GALNT13: variants seen among roughly 807,000 people sequenced by gnomAD.
The protein encoded by GALNT13 is UDP-GalNAc:polypeptide N-acetylgalactosaminyltransferase 13.
In GALNT13, 28 loss-of-function variants were observed where a neutral mutation model predicts 64.2. The ratio of observed to expected loss-of-function variants is 0.44; its 90% CI spans 0.32 to 0.60. The LOEUF (loss-of-function observed/expected upper bound fraction) is 0.60, where lower values mean the gene tolerates loss of function less well. Among genes scored for constraint, GALNT13 ranks in the 20% least tolerant of loss-of-function variants. GALNT13 has a pLI of 0.05. For synonymous variants in GALNT13, 214 were observed against 224.6 expected, an observed-to-expected ratio of 0.95 and a Z score of 0.42; for missense variants, 577 against 669.8, an observed-to-expected ratio of 0.86 and a Z score of 1.53.
At chr2:154,179,016 A>T (rs1685811309) in intron 4 of GALNT13, among the ~76,000 whole-genome samples, 1 of 152,178 alleles carries the variant, frequency 6.6e-6, no homozygotes, top group African/African-American at 2.4e-5. Context: ...TTTCTTACTG[A>T]TAAAACTCTT....
chr2:153,416,669 G>A, the GALNT13 span, among the ~76,000 whole-genome samples: 6 of 152,056 alleles, frequency 3.9e-5, no homozygotes, highest in Admixed American at 3.9e-4. Context: ...ATATCTATTG[G>A]TGTTTTTCTT....
At chr2:153,497,959 T>G in the GALNT13 span, among the ~76,000 whole-genome samples, 6 of 152,356 alleles carry the variant, frequency 3.9e-5, no homozygotes, top group Admixed American at 2.0e-4. Context: ...TGTAGGTTAA[T>G]GTATAGAATT....
At chr2:154,398,508 A>G (rs373614566) in intron 10 of GALNT13, among the ~76,000 whole-genome samples, 6 of 132,226 alleles carry the variant, frequency 4.5e-5, no homozygotes, top group African/African-American at 1.8e-4. Context: ...CAAATTAGCT[A>G]TCTTCTAAAT....
At chr2:153,807,572 T>C in the GALNT13 span, among the ~76,000 whole-genome samples, 5 of 152,182 alleles carry the variant, frequency 3.3e-5, no homozygotes, top group East Asian at 9.6e-4. Flanking sequence ...TATAGCTCAA[T>C]ATCTTTGAAG....
At chr2:153,923,364 A>G (rs1441890085) in intron 2 of GALNT13, among the ~76,000 whole-genome samples, 1 of 152,182 alleles carries the variant, frequency 6.6e-6, no homozygotes, top group Non-Finnish European at 1.5e-5. Flanking sequence ...TTAATAGCAA[A>G]TTATAATAGA....
the GALNT13 span, among the ~76,000 whole-genome samples, chr2:153,843,869 G>C: frequency 0.053 from 8,136 of 152,218 alleles, 260 homozygotes; most frequent in East Asian, 0.13. Flanking sequence ...TAAATAATCT[G>C]CTTAGGTTCC....
chr2:153,805,315 AC>A, the GALNT13 span, among the ~76,000 whole-genome samples: 1 of 152,086 alleles, frequency 6.6e-6, no homozygotes, highest in Non-Finnish European at 1.5e-5. Context: ...AAATTTTAAC[AC>A]CAATAATTTA....
At chr2:154,021,587 TGAG>T (rs948403973) in intron 3 of GALNT13, among the ~76,000 whole-genome samples, 5 of 152,020 alleles carry the variant, frequency 3.3e-5, no homozygotes, top group African/African-American at 1.2e-4. Context: ...CTTATCAGCT[TGAG>T]GAGATTTTGG....
chr2:153,554,656 A>ATGTGTGTGTG, the GALNT13 span, among the ~76,000 whole-genome samples: 5,823 of 146,146 alleles, frequency 0.04, 110 homozygotes, highest in Middle Eastern at 0.063. Flanking sequence ...GATGCTGTAT[A>ATGTGTGTGTG]TGTGTGTGTG....
the GALNT13 span, among the ~76,000 whole-genome samples, chr2:153,767,805 TC>T: frequency 6.6e-6 from 1 of 150,988 alleles, no homozygotes; most frequent in Non-Finnish European, 1.5e-5. Context: ...TTTTTTTTTT[TC>T]CCCCTGTTTA....
chr2:154,287,214 A>T (rs1230523733), intron 8 of GALNT13: 7 of 1,327,648 alleles, frequency 5.3e-6, no homozygotes, highest in Non-Finnish European at 7.5e-6. Flanking sequence ...GTGGTGGAAA[A>T]GGCTGAGCAT....
chr2:153,511,666 G>T, the GALNT13 span, among the ~76,000 whole-genome samples: 1 of 152,192 alleles, frequency 6.6e-6, no homozygotes, highest in African/African-American at 2.4e-5. Flanking sequence ...TTGGGTACAA[G>T]TTCAGAATAA....
chr2:153,400,772 T>C, the GALNT13 span, among the ~76,000 whole-genome samples: 1 of 152,156 alleles, frequency 6.6e-6, no homozygotes, highest in Non-Finnish European at 1.5e-5. Flanking sequence ...GGTGGTGATA[T>C]CCCCTTTATC....
intron 2 of GALNT13, among the ~76,000 whole-genome samples, chr2:153,919,722 C>T (rs1689626261): frequency 6.6e-6 from 1 of 151,654 alleles, no homozygotes; most frequent in African/African-American, 2.4e-5. Context: ...TTATTTTGCT[C>T]ATCCTAATAT....
intron 8 of GALNT13, among the ~76,000 whole-genome samples, chr2:154,299,386 C>T (rs1327258878): frequency 6.6e-6 from 1 of 150,998 alleles, no homozygotes; most frequent in Non-Finnish European, 1.5e-5. Flanking sequence ...TAAAAATGTG[C>T]GTAATCACAA....
intron 3 of GALNT13, among the ~76,000 whole-genome samples, chr2:153,967,570 C>T (rs1693457902): frequency 6.6e-6 from 1 of 152,058 alleles, no homozygotes; most frequent in South Asian, 2.1e-4. Context: ...TGTTTTCTGC[C>T]CTGTCTTTTC....
At chr2:154,306,702 C>T (rs1693760795) in intron 9 of GALNT13, among the ~76,000 whole-genome samples, 1 of 150,690 alleles carries the variant, frequency 6.6e-6, no homozygotes, top group Admixed American at 6.7e-5. Context: ...TTGCAGTCTT[C>T]TGTTCCTGGG....
chr2:153,405,589 T>G, the GALNT13 span, among the ~76,000 whole-genome samples: 2 of 152,170 alleles, frequency 1.3e-5, no homozygotes, highest in Non-Finnish European at 2.9e-5. Flanking sequence ...TCAGGGAGTT[T>G]AAATTCCTAC....
intron 9 of GALNT13, among the ~76,000 whole-genome samples, chr2:154,335,700 T>A (rs896561701): frequency 6.6e-6 from 1 of 152,052 alleles, no homozygotes; most frequent in Non-Finnish European, 1.5e-5. Flanking sequence ...CGTAATATTA[T>A]AGGGATTAAT....
Sources: gnomAD v4.1 joint callset for allele counts (sites outside exome capture counted in the v4.1 genomes callset) on GRCh38, gnomAD v4.1.1 for gene constraint, MANE v1.5 for transcripts, NCBI Gene and HGNC (gene_info 2026-07-23, HGNC 2026-07-21) for gene names.